VWA5A: variants seen among roughly 807,000 people sequenced by gnomAD.
The protein encoded by VWA5A is von Willebrand factor A domain-containing protein 5A.
In VWA5A, 77 loss-of-function variants were observed where a neutral mutation model predicts 84.6. The observed-to-expected ratio is 0.91, with a 90% CI of 0.76 to 1.10. The LOEUF is 1.10. Among genes scored for constraint, VWA5A ranks in the 50% least tolerant of loss-of-function variants. VWA5A has a pLI of 0.00. For synonymous variants in VWA5A, 334 were observed against 350.1 expected, an observed-to-expected ratio of 0.95 and a Z score of 0.51; for missense variants, 973 against 963.0, an observed-to-expected ratio of 1.01 and a Z score of -0.14.
At position 124,117,658 on chromosome 11, in the gene VWA5A, C is replaced by G; in HGVS notation, c.44-15C>G. 6.2e-7 allele frequency: 1 copy of G among 1,614,212 alleles called. No individual in the cohort carries two copies. The highest frequency in any genetic ancestry group is 1.1e-5 in the South Asian group (1 of 91,086). ...TATTGAAGCTTGATGAACTTGAACT[C>G]TGGTCTATCTCCAGTGCCGCTGAAG... On this transcript the variant is annotated splice_polypyrimidine_tract_variant and intron_variant, in intron 3 of 18. Transcript: ENST00000456829.
At chr11:124,138,653 T>A (rs1860661452) in intron 15 of VWA5A, among the ~76,000 whole-genome samples, 1 of 152,234 alleles carries the variant, frequency 6.6e-6, no homozygotes, top group South Asian at 2.1e-4. Flanking sequence ...TTCTTGGTTT[T>A]GAGTTAAATT....
In VWA5A at chr11:124,142,579, T is replaced by G. The variant is rs768107715; in HGVS notation, c.2154+7T>G. On this transcript the variant is annotated splice_region_variant and intron_variant, in intron 17 of 18. Transcript: ENST00000456829. ...GGCTGCACAGCCTGCCGAGGTAAGA[T>G]TCAATGGAAAAAGGAGTATGTATGT... The G allele has an allele frequency of 2.0e-5, 33 of 1,613,816 alleles. No individual in the cohort carries two copies. In the South Asian group the frequency reaches 2.9e-4, roughly 14 times the overall value.
chr11:124,145,661 T>A (rs949337492), intron 18 of VWA5A, among the ~76,000 whole-genome samples: 6 of 152,196 alleles, frequency 3.9e-5, no homozygotes, highest in African/African-American at 1.4e-4. Flanking sequence ...ACTTGGTGCG[T>A]GTTCTCCTGG....
rs137955977 is a variant in VWA5A at position 124,118,653 on chromosome 11, C to G, written c.590C>G (p.Ser197Cys). The change falls in exon 6 of 19, where the codon TCC (serine) becomes TGC (cysteine). Residue 197 changes from serine (S) to cysteine (C), a missense_variant. Physicochemically the swap from Ser to Cys is moderately radical, Grantham distance 112. Coordinates refer to ENST00000456829, the MANE Select transcript of VWA5A (RefSeq NM_001130142.2). ...CAGCATGGCATTGAGAAGGTCCAAT[C>G]CAACTGCCCCTTGAGTCCTACCGAG... ...DSQHGIEKVQ[S>C]NCPLSPTEYL... 43 of 1,614,000 alleles carry G rather than the reference C, an allele frequency of 2.7e-5. No individual in the cohort carries two copies. Among genetic ancestry groups the G allele is most frequent in the East Asian group, 6.7e-5 (3 of 44,888 alleles).
chr11:124,145,493 C>G (rs182281464), intron 18 of VWA5A, 130 bp downstream of exon 18: 1 of 1,329,218 alleles, frequency 7.5e-7, no homozygotes, highest in East Asian at 2.6e-5. Context: ...TCTGCTAGTT[C>G]TTTTCTTGGG....
intron 11 of VWA5A, among the ~76,000 whole-genome samples, chr11:124,129,710 TG>T (rs1282487929): frequency 1.3e-5 from 2 of 151,600 alleles, no homozygotes; most frequent in African/African-American, 4.8e-5. Context: ...AGTCTTGGGG[TG>T]GGGGGTGTAT....
chr11:124,144,487 A>G (rs973690561), intron 17 of VWA5A, among the ~76,000 whole-genome samples: 2 of 152,228 alleles, frequency 1.3e-5, no homozygotes, highest in African/African-American at 4.8e-5. Context: ...GGGGATGCTT[A>G]CTGCTTTGAC....
At chr11:124,142,600 T>C in intron 17 of VWA5A, 28 bp downstream of exon 17, 2 of 1,613,120 alleles carry the variant, frequency 1.2e-6, no homozygotes, top group Non-Finnish European at 8.5e-7. Context: ...AAGGAGTATG[T>C]ATGTTTTTGA....
At chr11:124,119,718 T>C (rs898163028) in intron 7 of VWA5A, among the ~76,000 whole-genome samples, 6 of 152,220 alleles carry the variant, frequency 3.9e-5, no homozygotes, top group African/African-American at 1.4e-4. Context: ...TGAGTTAATA[T>C]GCAGCTACTA....
intron 11 of VWA5A, among the ~76,000 whole-genome samples, chr11:124,129,176 A>G (rs981255762): frequency 2.0e-5 from 3 of 152,156 alleles, no homozygotes; most frequent in Non-Finnish European, 4.4e-5. Flanking sequence ...GTTTATTGAG[A>G]GTTCTTAGCA....
intron 11 of VWA5A, among the ~76,000 whole-genome samples, chr11:124,130,645 T>A (rs553192491): frequency 6.6e-6 from 1 of 152,324 alleles, no homozygotes; most frequent in East Asian, 1.9e-4. Context: ...GAATTTGCTT[T>A]GTGAATCTGT....
At chr11:124,123,298 G>A in intron 8 of VWA5A, 68 bp from the exon 9 acceptor site, 4 of 1,540,804 alleles carry the variant, frequency 2.6e-6, no homozygotes, top group South Asian at 2.3e-5. Flanking sequence ...CTCAAGAGTC[G>A]ATTGACAGGG....
At chr11:124,121,150 A>T (rs1443338861) in intron 7 of VWA5A, among the ~76,000 whole-genome samples, 1 of 152,258 alleles carries the variant, frequency 6.6e-6, no homozygotes, top group Non-Finnish European at 1.5e-5. Context: ...AAACCTACAG[A>T]TATATGACAA....
At chr11:124,141,482 A>G (rs934200354) in intron 15 of VWA5A, 116 bp from the exon 16 acceptor site, 19 of 1,317,218 alleles carry the variant, frequency 1.4e-5, no homozygotes, top group Non-Finnish European at 1.8e-5. Flanking sequence ...ATAGCACAGT[A>G]AGGGTGGTGA....
chr11:124,139,282 GTT>G (rs1860680669), intron 15 of VWA5A, among the ~76,000 whole-genome samples: 1 of 150,682 alleles, frequency 6.6e-6, no homozygotes. Flanking sequence ...CTTTGACTAT[GTT>G]TTTATAATTC....
In VWA5A at chr11:124,147,048, C is replaced by T. The variant is rs553541016; in HGVS notation, c.*1103C>T. ...TTGACCTGAAGTTAGTGAAATAAAA[C>T]TTAGTAGGGAAAAAAAGCTTAGCAA... On this transcript the variant is annotated 3_prime_UTR_variant, in exon 19 of 19. Transcript: ENST00000456829. The T allele has an allele frequency of 1.0e-4, 17 of 166,598 alleles. No individual in the cohort carries two copies. The highest frequency in any genetic ancestry group is 4.1e-4 in the African/African-American group (17 of 41,500). The allele number at this position is 166,598 out of a possible 1,614,324, so 10.3% of individuals were successfully genotyped here.
intron 15 of VWA5A, among the ~76,000 whole-genome samples, chr11:124,138,843 C>G (rs1232956759): frequency 6.6e-6 from 1 of 152,142 alleles, no homozygotes; most frequent in Non-Finnish European, 1.5e-5. Context: ...ATCCAAAAAT[C>G]ATTGCCCAGA....
chr11:124,143,710 G>T (rs143758185), intron 17 of VWA5A, among the ~76,000 whole-genome samples: 1 of 151,962 alleles, frequency 6.6e-6, no homozygotes, highest in East Asian at 1.9e-4. Context: ...TATGTTTCTA[G>T]CATTATATTT....
intron 11 of VWA5A, among the ~76,000 whole-genome samples, chr11:124,126,010 G>A (rs1247906593): frequency 6.6e-6 from 1 of 152,158 alleles, no homozygotes; most frequent in Non-Finnish European, 1.5e-5. Flanking sequence ...TCTCAGTAAT[G>A]CACAGTGTCA....
Sources: allele counts gnomAD v4.1 joint callset (sites outside exome capture counted in the v4.1 genomes callset), GRCh38; gene constraint gnomAD v4.1.1; transcripts MANE v1.5; gene names NCBI Gene and HGNC (gene_info 2026-07-23, HGNC 2026-07-21).